MAPDA: variants seen among roughly 807,000 people sequenced by gnomAD.
MAPDA encodes the protein N6-Methyl-AMP deaminase, also known as N6,N6-dimethyl-AMP deaminase.
the MAPDA span, chr15:43,335,889 G>T: frequency 6.4e-7 from 1 of 1,564,478 alleles, no homozygotes; most frequent in Non-Finnish European, 8.6e-7. Context: ...GAGATTGTAA[G>T]TAGTATGTAA....
chr15:43,349,059 T>C, the MAPDA span: 1 of 1,613,678 alleles, frequency 6.2e-7, no homozygotes. Flanking sequence ...AGGCTTGGAG[T>C]TTCAGGTCTT....
chr15:43,336,568 C>A, the MAPDA span: 1 of 1,345,140 alleles, frequency 7.4e-7, no homozygotes, highest in South Asian at 1.4e-5. Context: ...TTAATTCATT[C>A]AGTTAGTGAG....
the MAPDA span, chr15:43,333,383 T>C: frequency 6.7e-6 from 1 of 149,718 alleles, no homozygotes. Context: ...GACACTGCAC[T>C]CCAGCCTGGG....
At chr15:43,332,136 G>C in the MAPDA span, 1 of 152,190 alleles carries the variant, frequency 6.6e-6, no homozygotes, top group African/African-American at 2.4e-5. Context: ...CAGGTGTGAG[G>C]TAGGGCAGAG....
the MAPDA span, chr15:43,348,857 T>G: frequency 2.8e-5 from 44 of 1,585,124 alleles, no homozygotes; most frequent in Admixed American, 7.6e-4. Flanking sequence ...AAAATACTCT[T>G]AAGAACCACT....
At chr15:43,330,537 C>A in the MAPDA span, 7 of 1,505,218 alleles carry the variant, frequency 4.7e-6, no homozygotes, top group Admixed American at 2.4e-5. Flanking sequence ...TGTGAGCCGC[C>A]CCTTGGTTAG....
chr15:43,336,483 A>T, the MAPDA span: 1 of 615,560 alleles, frequency 1.6e-6, no homozygotes, highest in South Asian at 2.7e-5. Context: ...ATCTTTCCAG[A>T]TCAATGTAAT....
chr15:43,335,089 T>C, the MAPDA span: 3 of 1,613,090 alleles, frequency 1.9e-6, no homozygotes, highest in Non-Finnish European at 2.5e-6. Flanking sequence ...TGGAGAAGAA[T>C]CATTTTTTTC....
At chr15:43,340,229 CATT>C in the MAPDA span, 4 of 1,578,964 alleles carry the variant, frequency 2.5e-6, no homozygotes, top group South Asian at 3.4e-5. Flanking sequence ...CTTACCCAAA[CATT>C]ATCAATATTG....
At chr15:43,331,260 A>C in the MAPDA span, among the ~76,000 whole-genome samples, 2 of 152,224 alleles carry the variant, frequency 1.3e-5, no homozygotes, top group African/African-American at 4.8e-5. Context: ...GTAGTGTTGA[A>C]TATGTCCCCA....
At chr15:43,331,186 G>A in the MAPDA span, among the ~76,000 whole-genome samples, 4 of 152,192 alleles carry the variant, frequency 2.6e-5, no homozygotes, top group Non-Finnish European at 4.4e-5. Flanking sequence ...TAGACTGACG[G>A]TGAATAAACC....
the MAPDA span, chr15:43,342,996 A>G: frequency 7.6e-6 from 12 of 1,573,086 alleles, no homozygotes; most frequent in South Asian, 1.3e-4. Context: ...CTTTCTAGGA[A>G]TGACTAAAAA....
chr15:43,340,456 GTGT>G, the MAPDA span: 2 of 880,518 alleles, frequency 2.3e-6, no homozygotes. Flanking sequence ...TTATACTATT[GTGT>G]TGTTCTGTAT....
chr15:43,338,801 T>C, the MAPDA span, among the ~76,000 whole-genome samples: 1 of 152,210 alleles, frequency 6.6e-6, no homozygotes, highest in Non-Finnish European at 1.5e-5. Flanking sequence ...GGGTTAGGGA[T>C]GGTTCTGTAG....
chr15:43,347,012 T>C, the MAPDA span: 64 of 1,613,066 alleles, frequency 4.0e-5, no homozygotes, highest in African/African-American at 6.1e-4. Flanking sequence ...CTTTTATCTT[T>C]AAGGTAGGAC....
the MAPDA span, chr15:43,351,031 C>G: frequency 6.4e-7 from 1 of 1,551,504 alleles, no homozygotes; most frequent in Non-Finnish European, 8.7e-7. Context: ...GCCCATCCTT[C>G]TGTGATCTGT....
At chr15:43,335,361 C>T in the MAPDA span, among the ~76,000 whole-genome samples, 1 of 152,050 alleles carries the variant, frequency 6.6e-6, no homozygotes, top group Non-Finnish European at 1.5e-5. Context: ...CATGGCAAAA[C>T]CCCATCTCTA....
the MAPDA span, chr15:43,340,429 A>T: frequency 1.6e-6 from 2 of 1,221,056 alleles, no homozygotes; most frequent in Non-Finnish European, 2.4e-6. Context: ...GTGAGTGGGA[A>T]TATGAAGCAC....
the MAPDA span, among the ~76,000 whole-genome samples, chr15:43,337,778 A>G: frequency 2.6e-5 from 4 of 152,234 alleles, no homozygotes; most frequent in African/African-American, 7.2e-5. Flanking sequence ...GTTTCATTCA[A>G]CAAAAGTTGA....
Sources: gnomAD v4.1 joint callset for allele counts (sites outside exome capture counted in the v4.1 genomes callset) on GRCh38, gnomAD v4.1.1 for gene constraint, MANE v1.5 for transcripts, NCBI Gene and HGNC (gene_info 2026-07-23, HGNC 2026-07-21) for gene names.